TRPM3: variants seen among roughly 807,000 people sequenced by gnomAD.
TRPM3 encodes long transient receptor potential channel 3.
Under a neutral mutation model 181.2 loss-of-function variants are expected in TRPM3, and 77 were observed. The observed-to-expected ratio is 0.42, with a 90% CI of 0.35 to 0.51. The LOEUF (loss-of-function observed/expected upper bound fraction) is 0.51, where lower values mean the gene tolerates loss of function less well. Among genes scored for constraint, TRPM3 ranks in the 20% least tolerant of loss-of-function variants. TRPM3 has a pLI of 0.01. For missense variants in TRPM3, 1,759 were observed against 2,196.7 expected (o/e 0.80, Z 3.98); for synonymous variants, 745 against 796.4 (o/e 0.94, Z 1.09).
intron 1 of TRPM3, among the ~76,000 whole-genome samples, chr9:71,306,553 A>G (rs1022624780): frequency 3.3e-5 from 5 of 152,218 alleles, no homozygotes; most frequent in Non-Finnish European, 7.3e-5. Context: ...TCTGATATCT[A>G]TAAGCCTTCT....
intron 1 of TRPM3, among the ~76,000 whole-genome samples, chr9:70,898,205 C>T (rs1306824113): frequency 6.6e-6 from 1 of 151,348 alleles, no homozygotes; most frequent in East Asian, 2.0e-4. Flanking sequence ...TCACTGCAAG[C>T]TCCGCCTCCC....
At chr9:70,650,758 A>G (rs2059501744) in intron 9 of TRPM3, among the ~76,000 whole-genome samples, 4 of 151,996 alleles carry the variant, frequency 2.6e-5, no homozygotes, top group Admixed American at 6.6e-5. Context: ...TTCACAATGT[A>G]TATTTGATCT....
At chr9:71,132,965 CAT>C (rs2074465614) in intron 1 of TRPM3, among the ~76,000 whole-genome samples, 2 of 152,148 alleles carry the variant, frequency 1.3e-5, no homozygotes, top group Non-Finnish European at 1.5e-5. Flanking sequence ...AGTACTCAAT[CAT>C]ATGTTTTTGT....
At chr9:71,062,732 G>A (rs1025895153) in intron 1 of TRPM3, among the ~76,000 whole-genome samples, 21 of 151,930 alleles carry the variant, frequency 1.4e-4, no homozygotes, top group African/African-American at 4.4e-4. Flanking sequence ...AATTAATGCC[G>A]TTATCATGGG....
At chr9:70,812,253 A>G (rs2092172109) in intron 6 of TRPM3, among the ~76,000 whole-genome samples, 1 of 152,308 alleles carries the variant, frequency 6.6e-6, no homozygotes, top group South Asian at 2.1e-4. Context: ...CACTTGTGGC[A>G]AATATTGGGA....
intron 6 of TRPM3, among the ~76,000 whole-genome samples, chr9:70,818,519 C>A (rs572662612): frequency 6.6e-6 from 1 of 152,148 alleles, no homozygotes; most frequent in Non-Finnish European, 1.5e-5. Context: ...GATTTCTCTG[C>A]GCATCAAGGA....
chr9:70,609,748 A>G (rs2061732671), intron 19 of TRPM3, among the ~76,000 whole-genome samples: 1 of 152,210 alleles, frequency 6.6e-6, no homozygotes, highest in African/African-American at 2.4e-5. Flanking sequence ...CATTTGAGTC[A>G]TTTTGGCCTC....
intron 3 of TRPM3, among the ~76,000 whole-genome samples, chr9:70,850,815 T>C (rs1331908033): frequency 6.6e-6 from 1 of 152,222 alleles, no homozygotes; most frequent in African/African-American, 2.4e-5. Flanking sequence ...AATGCTTTAG[T>C]GTGAGACATG....
chr9:71,415,285 C>T (rs970260705), intron 1 of TRPM3, among the ~76,000 whole-genome samples: 5 of 152,016 alleles, frequency 3.3e-5, no homozygotes, highest in Non-Finnish European at 7.4e-5. Context: ...TGACTTTTGA[C>T]CTCTGTAACT....
At chr9:71,321,841 GAAGTGT>G (rs910098514) in intron 1 of TRPM3, among the ~76,000 whole-genome samples, 2 of 152,082 alleles carry the variant, frequency 1.3e-5, no homozygotes, top group Non-Finnish European at 2.9e-5. Flanking sequence ...AGCATATGCA[GAAGTGT>G]AAGAAGTGGT....
intron 1 of TRPM3, among the ~76,000 whole-genome samples, chr9:71,000,458 T>C (rs2909292): frequency 0.58 from 87,970 of 152,086 alleles, 27,214 homozygotes; most frequent in East Asian, 0.72. Flanking sequence ...CAAGGTATGG[T>C]GTTCAATGAA....
In TRPM3 at chr9:70,668,300, A is replaced by C. The variant is rs140464623; in HGVS notation, c.1345+13206T>G. Among the ~76,000 whole-genome samples the C allele has an allele frequency of 1.1e-3, 172 of 152,278 alleles. 2 individuals are homozygous for C. The highest frequency in any genetic ancestry group is 4.0e-3 in the African/African-American group (165 of 41,564). ...ATACCTCAGTTTCCTCAATTGTAAG[A>C]TGGATGATACTGCTAGTACCTGCCC... is the stretch of plus-strand genomic sequence containing the variant. On this transcript the variant is annotated intron_variant, in intron 9 of 25. Coordinates refer to ENST00000677713, the MANE Select transcript of TRPM3 (RefSeq NM_001366145.2).
At chr9:70,946,174 A>G (rs1223731381) in intron 1 of TRPM3, among the ~76,000 whole-genome samples, 2 of 152,092 alleles carry the variant, frequency 1.3e-5, no homozygotes, top group Non-Finnish European at 2.9e-5. Flanking sequence ...GGGTCTAGCT[A>G]TGTCATCTAG....
At chr9:70,667,939 G>A (rs1010424172) in intron 9 of TRPM3, among the ~76,000 whole-genome samples, 1 of 152,202 alleles carries the variant, frequency 6.6e-6, no homozygotes, top group Non-Finnish European at 1.5e-5. Context: ...AGAAACCAGT[G>A]TGGTGAGCAT....
At chr9:70,671,559 T>C (rs917581671) in intron 9 of TRPM3, among the ~76,000 whole-genome samples, 1 of 152,198 alleles carries the variant, frequency 6.6e-6, no homozygotes, top group African/African-American at 2.4e-5. Context: ...ATATGGTAAG[T>C]AATGGTAGGT....
At chr9:71,007,491 T>C (rs1302927711) in intron 1 of TRPM3, among the ~76,000 whole-genome samples, 2 of 151,938 alleles carry the variant, frequency 1.3e-5, no homozygotes, top group East Asian at 3.9e-4. Context: ...CTTAACAAAC[T>C]TAAAAAAAAA....
chr9:70,891,808 T>C (rs2096207906), intron 1 of TRPM3, among the ~76,000 whole-genome samples: 1 of 152,192 alleles, frequency 6.6e-6, no homozygotes, highest in South Asian at 2.1e-4. Flanking sequence ...ATTGTCATTT[T>C]TGTCCCCACA....
chr9:71,047,003 C>T (rs2059515736), intron 1 of TRPM3, among the ~76,000 whole-genome samples: 2 of 152,170 alleles, frequency 1.3e-5, no homozygotes, highest in African/African-American at 4.8e-5. Flanking sequence ...TTTGTAATCC[C>T]TAAGAACTTG....
chr9:71,034,746 C>G (rs796221529), intron 1 of TRPM3, among the ~76,000 whole-genome samples: 76 of 149,506 alleles, frequency 5.1e-4, no homozygotes, highest in African/African-American at 1.8e-3. Context: ...CAATTGGGGT[C>G]TTTACTATTT....
Sources: gnomAD v4.1 joint callset for allele counts (sites outside exome capture counted in the v4.1 genomes callset) on GRCh38, gnomAD v4.1.1 for gene constraint, MANE v1.5 for transcripts, NCBI Gene and HGNC (gene_info 2026-07-23, HGNC 2026-07-21) for gene names.